Variants in ASXL2 observed in about 807,000 individuals in gnomAD.
ASXL2 encodes ASXL transcriptional regulator 2, also known as putative Polycomb group protein ASXL2.
ASXL2 carries 23 observed loss-of-function variants against 122.0 expected under a neutral mutation model. That is an observed-to-expected ratio of 0.19 (90% CI 0.14 to 0.27). The LOEUF is 0.27. Among genes scored for constraint, ASXL2 ranks in the 10% least tolerant of loss-of-function variants. ASXL2 has a pLI of 1.00. For synonymous variants in ASXL2, 650 were observed against 637.0 expected, an observed-to-expected ratio of 1.02 and a Z score of -0.31; for missense variants, 1,518 against 1,713.8, an observed-to-expected ratio of 0.89 and a Z score of 2.02.
intron 5 of ASXL2, among the ~76,000 whole-genome samples, chr2:25,776,833 A>T (rs1264420687): frequency 6.6e-6 from 1 of 152,206 alleles, no homozygotes; most frequent in African/African-American, 2.4e-5. Flanking sequence ...GAATAACTCC[A>T]CTAGAAAATA....
rs1177662707 is a variant in ASXL2, at chr2:25,739,074, T to C, written c.*2955A>G. On this transcript the variant is annotated 3_prime_UTR_variant, in exon 13 of 13. Coordinates refer to ENST00000435504, the MANE Select transcript of ASXL2 (RefSeq NM_018263.6). ...GAATCTTTATAAACAAGACTGAGAC[T>C]ATATTATTGATGCTATCTCCTGGGG... 1 of 152,218 alleles carries C rather than the reference T, an allele frequency of 6.6e-6. No individual in the cohort carries two copies. The highest frequency in any genetic ancestry group is 1.5e-5 in the Non-Finnish European group (1 of 68,036). 9.4% of individuals were successfully genotyped at this position (152,218 alleles called of 1,614,324 possible).
chr2:25,743,993 T>A lies in ASXL2; in HGVS notation c.2344A>T (p.Thr782Ser). 6.2e-7 allele frequency: 1 copy of A among 1,613,966 alleles called. No homozygotes were observed. Among genetic ancestry groups the A allele is most frequent in the Non-Finnish European group, 8.5e-7 (1 of 1,179,862 alleles). ...QLQQTPPVPP[T>S]PAVSGACTSV... ...GTGCATGCTCCACTGACGGCAGGTG[T>A]TGGAGGCACTGGGGGGGTTTGCTGT... The change falls in exon 13 of 13, where the codon ACA becomes TCA. Residue 782 changes from threonine (T) to serine (S), a missense_variant. Thr to Ser is a moderately conservative substitution (Grantham distance 58). Transcript: ENST00000435504.
At chr2:25,816,916 G>A (rs1467390287) in intron 3 of ASXL2, among the ~76,000 whole-genome samples, 1 of 152,200 alleles carries the variant, frequency 6.6e-6, no homozygotes, top group Non-Finnish European at 1.5e-5. Flanking sequence ...CCTGAGGTCT[G>A]ATGTTCGAGG....
At position 25,795,054 on chromosome 2, in the gene ASXL2, A is replaced by G. The variant is rs186923440; in HGVS notation, c.403+4331T>C. On this transcript the variant is annotated intron_variant, in intron 5 of 12. Coordinates refer to ENST00000435504, the MANE Select transcript of ASXL2 (RefSeq NM_018263.6). The stretch of plus-strand genomic sequence containing the variant: ...TCTATGAGAGACTAAATCATTCTTC[A>G]TAATTGGTAGCTTGGCATTCATTTC... Among the ~76,000 whole-genome samples, 297 of 152,294 alleles carry G rather than the reference A, an allele frequency of 2.0e-3. 1 individual carries two copies. Among genetic ancestry groups the G allele is most frequent in the African/African-American group, 7.0e-3 (289 of 41,566 alleles).
intron 3 of ASXL2, among the ~76,000 whole-genome samples, chr2:25,834,819 G>A (rs921315673): frequency 1.3e-5 from 2 of 151,818 alleles, no homozygotes; most frequent in African/African-American, 4.8e-5. Flanking sequence ...GCCCCTAAAG[G>A]ATTTACCAAT....
Position 25,750,313 on chromosome 2 carries a change from A to G in ASXL2, c.1243T>C (p.Ser415Pro), listed in dbSNP as rs755588196. The G allele has an allele frequency of 3.1e-6, 5 of 1,614,024 alleles. No homozygotes were observed. Among genetic ancestry groups the G allele is most frequent in the East Asian group, 4.5e-5 (2 of 44,892 alleles). Reference sequence around the variant, plus strand: ...ACTATTCTGATAAGAGAGGCCTCTGACACAGGCATGGATTTTGGTTGTTCA... The same window carrying G: ...ACTATTCTGATAAGAGAGGCCTCTGGCACAGGCATGGATTTTGGTTGTTCA... ...PAEQPKSMPV[S>P]EASLIRIVPV... Residue 415 changes from serine to proline, a missense_variant, in exon 12 of 13, where the codon TCA becomes CCA. Around this residue, in one of 8 missense-constraint regions of ASXL2, gnomAD observed 292 missense variants for 293.5 expected, o/e 1.00. Transcript: ENST00000435504.
intron 1 of ASXL2, among the ~76,000 whole-genome samples, chr2:25,846,881 CACAAG>C (rs1442984241): frequency 1.3e-5 from 2 of 152,142 alleles, no homozygotes; most frequent in African/African-American, 2.4e-5. Flanking sequence ...ATCAGCAACT[CACAAG>C]ACAAAAGACA....
chr2:25,857,443 T>G (rs1444221914), intron 1 of ASXL2, among the ~76,000 whole-genome samples: 2 of 152,166 alleles, frequency 1.3e-5, no homozygotes, highest in Non-Finnish European at 2.9e-5. Context: ...ATTTAATGAA[T>G]CAATATTTTT....
intron 2 of ASXL2, among the ~76,000 whole-genome samples, chr2:25,841,136 A>G (rs1424823897): frequency 6.6e-6 from 1 of 152,174 alleles, no homozygotes; most frequent in Non-Finnish European, 1.5e-5. Flanking sequence ...TCTACAAAAA[A>G]TACGAAAATT....
chr2:25,737,219 A>G lies in ASXL2; in HGVS notation c.*4810T>C, dbSNP rs1472145365. On this transcript the variant is annotated 3_prime_UTR_variant, in exon 13 of 13. Coordinates refer to ENST00000435504, the MANE Select transcript of ASXL2 (RefSeq NM_018263.6). Reference sequence around the variant, plus strand: ...CACTTCTGAGAGAACTGGGAAACGGAAAAAAAAAAATTTCTATCATCTTCA... The same window carrying G: ...CACTTCTGAGAGAACTGGGAAACGGGAAAAAAAAAATTTCTATCATCTTCA... The G allele has an allele frequency of 6.7e-6, 1 of 149,416 alleles. No homozygotes were observed. Among genetic ancestry groups the G allele is most frequent in the Non-Finnish European group, 1.5e-5 (1 of 67,158 alleles). The allele number at this position is 149,416 out of a possible 1,614,324, so 9.3% of individuals were successfully genotyped here. A position where few individuals can be genotyped will look rare whatever the true frequency, so the allele number is the denominator to read the frequency against.
intron 6 of ASXL2, among the ~76,000 whole-genome samples, chr2:25,770,209 T>G (rs904533179): frequency 6.6e-6 from 1 of 152,210 alleles, no homozygotes; most frequent in Non-Finnish European, 1.5e-5. Flanking sequence ...TTATTTTTTA[T>G]TATTTAATTT....
chr2:25,876,568 T>C (rs1257424733), intron 1 of ASXL2, among the ~76,000 whole-genome samples: 1 of 152,182 alleles, frequency 6.6e-6, no homozygotes, highest in Non-Finnish European at 1.5e-5. Context: ...TTAATTAGCA[T>C]AAATTAGGGT....
At chr2:25,835,871 T>C (rs1317735141) in intron 2 of ASXL2, among the ~76,000 whole-genome samples, 1 of 152,240 alleles carries the variant, frequency 6.6e-6, no homozygotes, top group Non-Finnish European at 1.5e-5. Context: ...CATTCTTTAA[T>C]ATTCTTCCCA....
intron 1 of ASXL2, among the ~76,000 whole-genome samples, chr2:25,846,192 G>T (rs2089646165): frequency 6.6e-6 from 1 of 152,218 alleles, no homozygotes; most frequent in African/African-American, 2.4e-5. Context: ...AGTAAAGAGG[G>T]CATTTCTAAA....
intron 3 of ASXL2, among the ~76,000 whole-genome samples, chr2:25,812,163 CAA>C (rs70950124): frequency 3.6e-5 from 5 of 138,648 alleles, no homozygotes; most frequent in Non-Finnish European, 4.7e-5. Flanking sequence ...ATAATTATTT[CAA>C]AAAAAAAAAA....
At chr2:25,860,254 T>G (rs1018738493) in intron 1 of ASXL2, among the ~76,000 whole-genome samples, 1 of 151,610 alleles carries the variant, frequency 6.6e-6, no homozygotes, top group Non-Finnish European at 1.5e-5. Flanking sequence ...GAGGTTGCAG[T>G]GGGCCGAGGT....
At chr2:25,749,284 C>T (rs888478610) in intron 12 of ASXL2, among the ~76,000 whole-genome samples, 2 of 152,170 alleles carry the variant, frequency 1.3e-5, no homozygotes, top group African/African-American at 4.8e-5. Flanking sequence ...TGCGTGAACC[C>T]TGGCCCAAAA....
At chr2:25,784,852 C>T (rs1348153201) in intron 5 of ASXL2, among the ~76,000 whole-genome samples, 1 of 152,238 alleles carries the variant, frequency 6.6e-6, no homozygotes, top group Non-Finnish European at 1.5e-5. Context: ...AATAAGCACA[C>T]ATTCTGGTGT....
At chr2:25,828,517 A>T (rs2089406043) in intron 3 of ASXL2, among the ~76,000 whole-genome samples, 1 of 133,714 alleles carries the variant, frequency 7.5e-6, no homozygotes, top group Non-Finnish European at 1.7e-5. Context: ...TCAAAAAAAA[A>T]AAATAAAAAG....
Sources: allele counts gnomAD v4.1 joint callset (sites outside exome capture counted in the v4.1 genomes callset), GRCh38; gene constraint gnomAD v4.1.1; regional missense constraint gnomAD v4.1.1; transcripts MANE v1.5; gene names NCBI Gene and HGNC (gene_info 2026-07-23, HGNC 2026-07-21).